The following G3BP2 variants were observed in gnomAD, a reference collection of about 807,000 sequenced individuals.
The protein encoded by G3BP2 is ras GTPase-activating protein-binding protein 2.
In G3BP2, 11 loss-of-function variants were observed where a neutral mutation model predicts 56.7. The observed-to-expected ratio is 0.19, with a 90% CI of 0.12 to 0.32. The LOEUF (loss-of-function observed/expected upper bound fraction) is 0.32. Ranked by LOEUF, G3BP2 falls within the 10% of genes least tolerant of loss-of-function variation. The pLI, the probability that G3BP2 is intolerant of heterozygous loss-of-function variation, is 1.00. For synonymous variants in G3BP2, 165 were observed against 191.6 expected, an observed-to-expected ratio of 0.86 and a Z score of 1.15; for missense variants, 340 against 610.9, an observed-to-expected ratio of 0.56 and a Z score of 4.67.
intron 10 of G3BP2, 43 bp from the exon 11 acceptor site, chr4:75,646,499 A>G (rs2148942103): frequency 1.9e-6 from 2 of 1,063,574 alleles, no homozygotes; most frequent in East Asian, 4.7e-5. Context: ...TATTTTTAAC[A>G]GAATACCTTG....
rs1256224386 is a variant in G3BP2, at chr4:75,644,989, G to A, written c.*441C>T. The A allele has an allele frequency of 5.8e-6, 1 of 172,712 alleles. No homozygotes were observed. The highest frequency in any genetic ancestry group is 1.2e-5 in the Non-Finnish European group (1 of 81,748). The allele number at this position is 172,712 out of a possible 1,614,324, so 10.7% of individuals were successfully genotyped here. On this transcript the variant is annotated 3_prime_UTR_variant, in exon 12 of 12. Coordinates refer to ENST00000359707, the MANE Select transcript of G3BP2 (RefSeq NM_203505.3). ...GATGAGTGCATAACAAGTTTCTGTT[G>A]GTTTGTATTTTTGGGGGGAGCCAAG... is the stretch of plus-strand genomic sequence containing the variant.
chr4:75,664,773 T>C (rs182937121), intron 1 of G3BP2, among the ~76,000 whole-genome samples: 1 of 151,812 alleles, frequency 6.6e-6, no homozygotes, highest in Admixed American at 6.6e-5. Flanking sequence ...CACTTTAACC[T>C]GGGGGACAAA....
chr4:75,656,000 T>C lies in G3BP2; in HGVS notation c.443-130A>G, dbSNP rs557643418. 4 of 593,942 alleles carry C rather than the reference T, an allele frequency of 6.7e-6. No homozygotes were observed. In the South Asian group the frequency reaches 8.1e-5, roughly 12 times the overall value. 36.8% of individuals were successfully genotyped at this position (593,942 alleles called of 1,614,324 possible). ...ATTTGACAATTTTCTTTCCTTTTTTTTTTTTTTTGAGATGGAGTCTTGTTC... is the reference window on the plus strand; with the variant it reads ...ATTTGACAATTTTCTTTCCTTTTTTCTTTTTTTTGAGATGGAGTCTTGTTC... On this transcript the variant is annotated intron_variant, in intron 5 of 11. Coordinates refer to ENST00000359707, the MANE Select transcript of G3BP2 (RefSeq NM_203505.3).
chr4:75,684,892 CG>C lies in G3BP2; in HGVS notation c.-24-22844del, dbSNP rs140239907. On this transcript the variant is annotated intron_variant, in intron 3 of 3. Coordinates refer to the G3BP2 transcript ENST00000499709. ...CAATTATCTAAACCATGCTCTTTTT[CG>C]ATATATTTCCTGGTAATAAGTTATC... 7.3e-4 allele frequency among the ~76,000 whole-genome samples: 110 copies of C among 151,294 alleles called. No individual in the cohort carries two copies. The East Asian group carries it at 0.02, about 27-fold the overall frequency.
chr4:75,687,520 G>C (rs1041563059), intron 3 of G3BP2, among the ~76,000 whole-genome samples: 4 of 152,158 alleles, frequency 2.6e-5, no homozygotes, highest in African/African-American at 7.2e-5. Flanking sequence ...TATAAGATGT[G>C]AGATCTAAAA....
intron 2 of G3BP2, among the ~76,000 whole-genome samples, chr4:75,722,179 A>G (rs539651208): frequency 2.6e-5 from 4 of 152,244 alleles, no homozygotes; most frequent in African/African-American, 9.6e-5. Context: ...TGTAGTGACA[A>G]TGCCTCGGGG....
rs1341261094 is a variant in G3BP2, at chr4:75,699,644, C to G, written c.-25+21233G>C. ...GATTTGATTCCAATTCATTTATGAACCATAACGTATTGATTTTGAAACTAA... is the reference window on the plus strand; with the variant it reads ...GATTTGATTCCAATTCATTTATGAAGCATAACGTATTGATTTTGAAACTAA... On this transcript the variant is annotated intron_variant, in intron 3 of 3. Transcript: ENST00000499709. Among the ~76,000 whole-genome samples the G allele has an allele frequency of 2.6e-5, 4 of 152,170 alleles. No individual in the cohort carries two copies. In the South Asian group the frequency reaches 8.3e-4, roughly 32 times the overall value.
At chr4:75,659,326 T>C (rs1232909712) in intron 2 of G3BP2, among the ~76,000 whole-genome samples, 1 of 152,212 alleles carries the variant, frequency 6.6e-6, no homozygotes, top group Non-Finnish European at 1.5e-5. Context: ...CCTAGATTTG[T>C]TTGGGAATCA....
intron 3 of G3BP2, among the ~76,000 whole-genome samples, chr4:75,688,807 A>G (rs1718730015): frequency 6.6e-6 from 1 of 152,246 alleles, no homozygotes; most frequent in African/African-American, 2.4e-5. Context: ...GTAAGTGTGC[A>G]GAGAGAAGAA....
intron 1 of G3BP2, among the ~76,000 whole-genome samples, chr4:75,663,142 T>C (rs1467259128): frequency 1.3e-5 from 2 of 152,240 alleles, no homozygotes; most frequent in African/African-American, 4.8e-5. Context: ...GAGTTTATAG[T>C]CTGTCAAGAA....
chr4:75,679,569 G>A (rs1733997791), intron 3 of G3BP2, among the ~76,000 whole-genome samples: 1 of 152,130 alleles, frequency 6.6e-6, no homozygotes, highest in East Asian at 1.9e-4. Context: ...GCTATAGGTG[G>A]TAGATTTTAG....
intron 3 of G3BP2, among the ~76,000 whole-genome samples, chr4:75,708,362 C>G (rs1450077220): frequency 6.6e-6 from 1 of 152,150 alleles, no homozygotes; most frequent in Non-Finnish European, 1.5e-5. Context: ...TAGCCCAAGA[C>G]CTAGGAAGAC....
chr4:75,705,041 A>AT (rs891192511), intron 3 of G3BP2, among the ~76,000 whole-genome samples: 9 of 150,196 alleles, frequency 6.0e-5, no homozygotes, highest in Non-Finnish European at 1.2e-4. Context: ...AAACATTGAG[A>AT]TTTTTTTTTT....
upstream of G3BP2, among the ~76,000 whole-genome samples, chr4:75,674,665 A>G (rs1055485040): frequency 1.4e-5 from 2 of 141,664 alleles, no homozygotes; most frequent in Non-Finnish European, 3.1e-5. Flanking sequence ...CCTCACAGTA[A>G]CCCTATGAGC....
At chr4:75,716,962 G>A (rs1719953783) in intron 3 of G3BP2, among the ~76,000 whole-genome samples, 1 of 152,054 alleles carries the variant, frequency 6.6e-6, no homozygotes, top group Admixed American at 6.6e-5. Context: ...TCTGCCCATG[G>A]ACTCCTAAGC....
intron 3 of G3BP2, among the ~76,000 whole-genome samples, chr4:75,678,960 G>A (rs570264766): frequency 1.5e-4 from 23 of 152,184 alleles, no homozygotes; most frequent in African/African-American, 5.1e-4. Flanking sequence ...TTCCTTTTTC[G>A]CAGACTGCCC....
At chr4:75,712,763 G>C (rs763282447) in intron 3 of G3BP2, among the ~76,000 whole-genome samples, 1 of 151,778 alleles carries the variant, frequency 6.6e-6, no homozygotes. Flanking sequence ...TTTGAATCAG[G>C]CTTTTTACTT....
chr4:75,655,051 G>C lies in G3BP2; in HGVS notation c.726+15C>G, dbSNP rs768522662. The C allele has an allele frequency of 6.3e-7, 1 of 1,583,984 alleles. No homozygotes were observed. Among genetic ancestry groups the C allele is most frequent in the Admixed American group, 1.8e-5 (1 of 54,982 alleles). On this transcript the variant is annotated intron_variant, in intron 7 of 11. Transcript: ENST00000359707. The stretch of plus-strand genomic sequence containing the variant: ...ACATGTGATGTTGTAAGTCTAAAGA[G>C]TTCTTTGATCTAACCTTTGGTGGTT...
chr4:75,695,974 CAAAAAAAAAAAAA>C (rs397807027), intron 3 of G3BP2, among the ~76,000 whole-genome samples: 1 of 11,944 alleles, frequency 8.4e-5, no homozygotes, highest in Non-Finnish European at 1.5e-4. Context: ...AACTCTGTCT[CAAAAAAAAAAAAA>C]AAAAAAAAAA....
Sources: allele counts gnomAD v4.1 joint callset (sites outside exome capture counted in the v4.1 genomes callset), GRCh38; gene constraint gnomAD v4.1.1; transcripts MANE v1.5; gene names NCBI Gene and HGNC (gene_info 2026-07-23, HGNC 2026-07-21).